The following SCRIB variants were observed in gnomAD, a reference collection of about 807,000 sequenced individuals.
SCRIB encodes scribble planar cell polarity protein.
A neutral mutation model predicts 170.0 loss-of-function variants in SCRIB; 72 were observed. The observed-to-expected ratio is 0.42, with a 90% CI of 0.35 to 0.52. The LOEUF (loss-of-function observed/expected upper bound fraction) is 0.52, where lower values mean the gene tolerates loss of function less well. Among genes scored for constraint, SCRIB ranks in the 20% least tolerant of loss-of-function variants. The probability of loss-of-function intolerance (pLI) is 0.02; values close to 1 mark genes in which losing one functional copy is unlikely to be tolerated. For synonymous variants in SCRIB, 1,298 were observed against 1,044.3 expected (o/e 1.24, Z -4.68); for missense variants, 2,475 against 2,338.5 (o/e 1.06, Z -1.20).
Position 143,792,367 on chromosome 8 carries a change from G to C in SCRIB, c.4367C>G (p.Ala1456Gly). ...PASPPPLGGG[A>G]PVRTAKAERR... ...TTCAGCTTTGGCCGTCCGCACCGGG[G>C]CGCCACCTCCCAGGGGTGGGGGGGA... Residue 1456 changes from alanine (A) to glycine (G), a missense_variant, in exon 32 of 37, where the codon GCC (alanine) becomes GGC (glycine). By Grantham distance (60) the Ala-to-Gly change is moderately conservative (BLOSUM62 0). Transcript: ENST00000356994. 1.3e-6 allele frequency: 2 copies of C among 1,528,802 alleles called. No individual in the cohort carries two copies. Among genetic ancestry groups the C allele is most frequent in the Non-Finnish European group, 1.7e-6 (2 of 1,143,304 alleles). The allele number at this position is 1,528,802 out of a possible 1,614,324, so 94.7% of individuals were successfully genotyped here.
intron 27 of SCRIB, 47 bp downstream of exon 27, chr8:143,794,991 C>G: frequency 6.4e-7 from 1 of 1,569,342 alleles, no homozygotes; most frequent in South Asian, 1.1e-5. Flanking sequence ...GGCCGATGAA[C>G]AGGACAACAG....
chr8:143,815,144 A>G, intron 1 of SCRIB, 70 bp downstream of exon 1: 1 of 1,427,534 alleles, frequency 7.0e-7, no homozygotes, highest in Non-Finnish European at 9.2e-7. Flanking sequence ...TCGCCCGGGC[A>G]GATTCTGCCG....
chr8:143,795,332 T>C lies in SCRIB; in HGVS notation c.3716A>G (p.Glu1239Gly). ...CAGGGTCTGTCCAGGCAGCTCCTTCTCCTGTGAGCAGAGCAGAGCAGACCC... is the reference window on the plus strand; with the variant it reads ...CAGGGTCTGTCCAGGCAGCTCCTTCCCCTGTGAGCAGAGCAGAGCAGACCC... The part of the protein sequence containing the change: ...RELSPEGPGK[E>G]KELPGQTLHW... Residue 1239 changes from glutamate (E) to glycine (G), a missense_variant and splice_region_variant, in exon 26 of 37, where the codon GAG (glutamate) becomes GGG (glycine). Physicochemically the swap from Glu to Gly is moderately conservative, Grantham distance 98. Transcript: ENST00000356994. 1 of 1,612,604 alleles carries C rather than the reference T, an allele frequency of 6.2e-7. No homozygotes were observed. The highest frequency in any genetic ancestry group is 1.3e-5 in the African/African-American group (1 of 74,982).
At chr8:143,792,684 C>T (rs781841042) in intron 30 of SCRIB, 24 bp downstream of exon 30, 3 of 1,589,156 alleles carry the variant, frequency 1.9e-6, no homozygotes, top group Middle Eastern at 1.7e-4. Flanking sequence ...GACCCAACCC[C>T]CACCCCACTT....
rs1816053829 is a variant in SCRIB at position 143,815,545 on chromosome 8, C to T, written c.-173G>A. The T allele has an allele frequency of 3.1e-6, 3 of 979,558 alleles. No individual in the cohort carries two copies. The highest frequency in any genetic ancestry group is 3.6e-6 in the Non-Finnish European group (3 of 827,764). 60.7% of individuals were successfully genotyped at this position (979,558 alleles called of 1,614,324 possible). A position where few individuals can be genotyped will look rare whatever the true frequency, so the allele number is the denominator to read the frequency against. On this transcript the variant is annotated 5_prime_UTR_variant, in exon 1 of 37. Transcript: ENST00000356994. ...GCCGGCGCTGGGCCCGGCCCGCGCT[C>T]GGAACGCTCGGACTGCGGGCCTGGG... is the stretch of plus-strand genomic sequence containing the variant.
chr8:143,804,944 C>A lies in SCRIB; in HGVS notation c.2741G>T (p.Arg914Leu), dbSNP rs782055004. The change falls in exon 20 of 37, where the codon CGC becomes CTC. Residue 914 changes from arginine (R) to leucine (L), a missense_variant. By Grantham distance (102) the Arg-to-Leu change is moderately radical. This residue lies in a region of SCRIB where 1,966 missense variants were observed against 1,742.9 expected (regional missense o/e 1.13). Transcript: ENST00000356994. ...HRAGTLQVGD[R>L]VLSINGVDVT... is the part of the protein sequence containing the mutation. ...CCCATCCCCACTCACAGAGAGGACG[C>A]GGTCGCCAACCTGCAGTGTGCCCGC... 33 of 1,563,240 alleles carry A rather than the reference C, an allele frequency of 2.1e-5. No individual in the cohort carries two copies. The Admixed American group carries it at 5.5e-4, about 26-fold the overall frequency.
At chr8:143,812,992 T>C (rs778379095) in intron 7 of SCRIB, 31 bp from the exon 8 acceptor site, 6 of 1,611,268 alleles carry the variant, frequency 3.7e-6, no homozygotes, top group South Asian at 3.3e-5. Context: ...AGAGCGCGGA[T>C]GGGCACGAAG....
intron 24 of SCRIB, among the ~76,000 whole-genome samples, chr8:143,799,582 T>C (rs1279981808): frequency 6.7e-6 from 1 of 150,198 alleles, no homozygotes; most frequent in Non-Finnish European, 1.5e-5. Context: ...TGCGCAGGGG[T>C]CGGCGCCGAC....
In SCRIB at chr8:143,805,017, G is replaced by A. The variant is rs1554636089; in HGVS notation, c.2671-3C>T. On this transcript the variant is annotated splice_polypyrimidine_tract_variant and splice_region_variant and intron_variant, in intron 19 of 36. Transcript: ENST00000356994. ...GCAATGCGGGAGACGAAGATGCCCT[G>A]CAGGGGAGGGTGGAGGAGGCAGGGC... 2 of 1,586,354 alleles carry A rather than the reference G, an allele frequency of 1.3e-6. No homozygotes were observed. Among genetic ancestry groups the A allele is most frequent in the Non-Finnish European group, 1.7e-6 (2 of 1,169,546 alleles).
chr8:143,793,832 G>T, intron 28 of SCRIB, 68 bp downstream of exon 28: 1 of 1,512,072 alleles, frequency 6.6e-7, no homozygotes, highest in Non-Finnish European at 9.1e-7. Context: ...GAGGGGCCCT[G>T]TGCACAGCGG....
Position 143,803,670 on chromosome 8 carries a change from C to G in SCRIB, c.3391G>C (p.Asp1131His). ...ACCTTGGAGATGAAGATGCCCTCGT[C>G]TGTGGGGTCGCGGGGGTTGCCAGCG... is the stretch of plus-strand genomic sequence containing the variant. Reference protein sequence around the residue: ...GHAGNPRDPTDEGIFISKVSP... With the variant: ...GHAGNPRDPTHEGIFISKVSP... The change falls in exon 23 of 37, where the codon GAC (aspartate) becomes CAC (histidine). Residue 1131 changes from aspartate to histidine, a missense_variant. Asp to His is a moderately conservative substitution (Grantham distance 81). This residue lies in a region of SCRIB where 1,966 missense variants were observed against 1,742.9 expected (regional missense o/e 1.13). Transcript: ENST00000356994. 1 of 1,569,218 alleles carries G rather than the reference C, an allele frequency of 6.4e-7. No homozygotes were observed. The highest frequency in any genetic ancestry group is 1.2e-5 in the South Asian group (1 of 86,854).
Position 143,792,010 on chromosome 8 carries a change from CGGGGTGGGCGCA to C in SCRIB, c.4626_4637del (p.Ala1543_Pro1546del), listed in dbSNP as rs1264000997. ...ACAGACCTTCCACAGGGGTGGGCGA[CGGGGTGGGCGCA>C]GGGGAAGGGGCCTCGGCCAGTCGCT... On this transcript the variant is annotated inframe_deletion, in exon 33 of 37. Transcript: ENST00000356994. 2 of 1,200,704 alleles carry C rather than the reference CGGGGTGGGCGCA, an allele frequency of 1.7e-6. No homozygotes were observed. Among genetic ancestry groups the C allele is most frequent in the Non-Finnish European group, 2.3e-6 (2 of 881,050 alleles). The allele number at this position is 1,200,704 out of a possible 1,614,324, so 74.4% of individuals were successfully genotyped here.
chr8:143,806,082 C>T (rs782607807), intron 18 of SCRIB, among the ~76,000 whole-genome samples: 19 of 152,128 alleles, frequency 1.2e-4, no homozygotes, highest in Admixed American at 2.0e-4. Flanking sequence ...AGCCCAGGAG[C>T]GGCCCCTCCT....
In SCRIB at chr8:143,808,671, C is replaced by T. The variant is rs1554637219; in HGVS notation, c.2053G>A (p.Glu685Lys). ...TCCTCCTCCTCAGTGCTGGCCTCTT[C>T]CTCTTCAGCCCTGTTTTCCTCCTCC... ...EEEEENRAEE[E>K]EASTEEEDKE... Residue 685 changes from glutamate (E) to lysine (K), a missense_variant, in exon 15 of 37, where the codon GAA (glutamate) becomes AAA (lysine). This residue lies in a region of SCRIB where 1,966 missense variants were observed against 1,742.9 expected (regional missense o/e 1.13). Transcript: ENST00000356994. 1.3e-6 allele frequency: 2 copies of T among 1,535,998 alleles called. No individual in the cohort carries two copies. Among genetic ancestry groups the T allele is most frequent in the East Asian group, 2.3e-5 (1 of 44,326 alleles).
In SCRIB at chr8:143,808,669, T is replaced by C. The variant is rs1554637218; in HGVS notation, c.2055A>G (p.Glu685=). Residue 685 remains glutamate, a synonymous_variant, in exon 15 of 37, where the codon GAA becomes GAG. Transcript: ENST00000356994. ...EEEEENRAEE[E]EASTEEEDKE... is the part of the protein sequence containing the mutation. Reference sequence around the variant, plus strand: ...TGTCCTCCTCCTCAGTGCTGGCCTCTTCCTCTTCAGCCCTGTTTTCCTCCT... The same window carrying C: ...TGTCCTCCTCCTCAGTGCTGGCCTCCTCCTCTTCAGCCCTGTTTTCCTCCT... 1 of 1,535,892 alleles carries C rather than the reference T, an allele frequency of 6.5e-7. No homozygotes were observed. The highest frequency in any genetic ancestry group is 2.3e-5 in the East Asian group (1 of 44,294).
chr8:143,795,229 A>G (rs1563790129), intron 26 of SCRIB, 48 bp downstream of exon 26: 3 of 1,609,770 alleles, frequency 1.9e-6, no homozygotes, highest in Non-Finnish European at 2.5e-6. Context: ...GGCAATGTGC[A>G]CCCCGCTCCA....
At position 143,795,407 on chromosome 8, in the gene SCRIB, A is replaced by G. The variant is rs782467068; in HGVS notation, c.3714+13T>C. The G allele has an allele frequency of 1.9e-6, 3 of 1,612,458 alleles. No homozygotes were observed. In the African/African-American group the frequency reaches 4.0e-5, roughly 22 times the overall value. ...CCCTGGCCCTGGGGCTGCCGGCTGC[A>G]GGCACCTCTGACCTTGCCTGGGCCC... On this transcript the variant is annotated intron_variant, in intron 25 of 36. Transcript: ENST00000356994.
At chr8:143,792,888 G>GGTTT (rs1814766296) in intron 29 of SCRIB, 21 bp from the exon 30 acceptor site, 1 of 1,504,842 alleles carries the variant, frequency 6.6e-7, no homozygotes, top group Admixed American at 2.2e-5. Context: ...CGGACCTTGA[G>GGTTT]GTTTGGCTGG....
At position 143,809,643 on chromosome 8, in the gene SCRIB, G is replaced by C. The variant is rs200533999; in HGVS notation, c.1606C>G (p.Pro536Ala). The C allele has an allele frequency of 3.7e-6, 6 of 1,611,094 alleles. No homozygotes were observed. The East Asian group carries it at 1.3e-4, about 36-fold the overall frequency. Residue 536 changes from proline (P) to alanine (A), a missense_variant, in exon 14 of 37, where the codon CCC becomes GCC. By Grantham distance (27) the Pro-to-Ala change is conservative. This residue lies in a region of SCRIB where 1,966 missense variants were observed against 1,742.9 expected (regional missense o/e 1.13). Coordinates refer to ENST00000356994, the MANE Select transcript of SCRIB (RefSeq NM_182706.5). The part of the protein sequence containing the change: ...PSASTVSEAE[P>A]EGPSAEAQGG... ...TGTGCCTCAGCCGACGGGCCCTCGG[G>C]CTCAGCCTCAGAGACTGTGCTGGCA...
Sources: gnomAD v4.1 joint callset for allele counts (sites outside exome capture counted in the v4.1 genomes callset) on GRCh38, gnomAD v4.1.1 for gene constraint, gnomAD v4.1.1 regional missense constraint, MANE v1.5 for transcripts, NCBI Gene and HGNC (gene_info 2026-07-23, HGNC 2026-07-21) for gene names.